Variants in PALM observed in about 807,000 individuals in gnomAD.
The protein encoded by PALM is paralemmin-1.
In PALM, 18 loss-of-function variants were observed where a neutral mutation model predicts 30.7. That is an observed-to-expected ratio of 0.59 (90% CI 0.41 to 0.87). The LOEUF (loss-of-function observed/expected upper bound fraction) is 0.87. PALM is among the 40% of genes least tolerant of loss of function. The pLI is 0.00. For synonymous variants in PALM, 286 were observed against 242.8 expected (o/e 1.18, Z -1.66); for missense variants, 529 against 555.4 (o/e 0.95, Z 0.48).
intron 7 of PALM, among the ~76,000 whole-genome samples, chr19:736,602 AC>A (rs1389111780): frequency 6.6e-6 from 1 of 151,926 alleles, no homozygotes; most frequent in Non-Finnish European, 1.5e-5. Flanking sequence ...TCAGGCTCGA[AC>A]CCCTGGTCTG....
intron 8 of PALM, among the ~76,000 whole-genome samples, chr19:743,946 G>A (rs564284392): frequency 2.0e-5 from 3 of 152,138 alleles, no homozygotes; most frequent in South Asian, 2.1e-4. Context: ...AGTGACCACC[G>A]TGGCCCAGGC....
Position 747,497 on chromosome 19 carries a change from C to T in PALM, c.*683C>T, listed in dbSNP as rs2033384202. On this transcript the variant is annotated 3_prime_UTR_variant, in exon 9 of 9. Transcript: ENST00000338448. ...CCCACCCGGGAGGGGCCGGTAACCCCTGGGCTATCTTCTAGACGGGGCGAA... is the reference window on the plus strand; with the variant it reads ...CCCACCCGGGAGGGGCCGGTAACCCTTGGGCTATCTTCTAGACGGGGCGAA... The T allele has an allele frequency of 6.5e-6, 1 of 153,102 alleles. No individual in the cohort carries two copies. The highest frequency in any genetic ancestry group is 6.5e-5 in the Admixed American group (1 of 15,292). The allele number at this position is 153,102 out of a possible 1,614,324, so 9.5% of individuals were successfully genotyped here. A position where few individuals can be genotyped will look rare whatever the true frequency, so the allele number is the denominator to read the frequency against.
chr19:720,204 C>G (rs1294937348), intron 1 of PALM, among the ~76,000 whole-genome samples: 1 of 151,966 alleles, frequency 6.6e-6, no homozygotes. Context: ...CTGCGCCGGC[C>G]CCACCCCCGC....
At chr19:740,550 C>T (rs1347174948) in intron 8 of PALM, 67 bp downstream of exon 8, 9 of 1,431,426 alleles carry the variant, frequency 6.3e-6, no homozygotes, top group Admixed American at 4.4e-5. Flanking sequence ...GTGCTCCCAG[C>T]GTGTGGGTCT....
At chr19:720,135 C>T (rs912644386) in intron 1 of PALM, among the ~76,000 whole-genome samples, 4 of 151,950 alleles carry the variant, frequency 2.6e-5, no homozygotes, top group Middle Eastern at 3.4e-3. Flanking sequence ...TAGGCCGCCC[C>T]AGGCCCGAAG....
At position 709,729 on chromosome 19, in the gene PALM, G is replaced by C. The variant is rs2032009093; in HGVS notation, c.5+578G>C. Among the ~76,000 whole-genome samples, 1 of 152,164 alleles carries C rather than the reference G, an allele frequency of 6.6e-6. No individual in the cohort carries two copies. Among genetic ancestry groups the C allele is most frequent in the African/African-American group, 2.4e-5 (1 of 41,442 alleles). The stretch of plus-strand genomic sequence containing the variant: ...CGCTGGAGGGAGAGGGGCTGCCCTC[G>C]GCTTCCCGGGTCTCTGGGGTGTGTG... On this transcript the variant is annotated intron_variant, in intron 1 of 8. Transcript: ENST00000338448. The surrounding 1 kb of genome is among the most constrained non-coding windows in gnomAD (Gnocchi z 4.3).
chr19:726,863 G>C (rs955024562), intron 2 of PALM, 145 bp from the exon 3 acceptor site: 3 of 618,146 alleles, frequency 4.9e-6, no homozygotes, highest in African/African-American at 1.8e-5. Flanking sequence ...ACAGTGGTGC[G>C]ATCCGCTGTC....
chr19:730,105 CCTT>C (rs1389141985), intron 4 of PALM, among the ~76,000 whole-genome samples: 35 of 152,366 alleles, frequency 2.3e-4, no homozygotes, highest in African/African-American at 5.5e-4. Flanking sequence ...CCACTACCCA[CCTT>C]CTGCCTGCTC....
At chr19:721,733 G>A (rs1242710696) in intron 1 of PALM, among the ~76,000 whole-genome samples, 11 of 151,830 alleles carry the variant, frequency 7.2e-5, no homozygotes. Context: ...GAGTAGCTGG[G>A]ATTACAGGCA....
rs370549073 is a variant in PALM, at chr19:740,950, G to A, written c.634+467G>A. On this transcript the variant is annotated intron_variant, in intron 8 of 8. Coordinates refer to ENST00000338448, the MANE Select transcript of PALM (RefSeq NM_002579.3). ...GTTTGAGACCAGCCTGGGCAGCATA[G>A]CAAGGCTCCGTCTCTACCAAAAAAA... is the stretch of plus-strand genomic sequence containing the variant. Among the ~76,000 whole-genome samples, 3 of 146,740 alleles carry A rather than the reference G, an allele frequency of 2.0e-5. No homozygotes were observed. The South Asian group carries it at 6.5e-4, about 32-fold the overall frequency.
chr19:740,506 C>A, intron 8 of PALM, 23 bp downstream of exon 8: 1 of 1,539,964 alleles, frequency 6.5e-7, no homozygotes, highest in South Asian at 1.2e-5. Flanking sequence ...CGGCCCCTGC[C>A]CTCCCTCCAC....
At chr19:737,197 C>CAG (rs2033048333) in intron 7 of PALM, among the ~76,000 whole-genome samples, 1 of 152,216 alleles carries the variant, frequency 6.6e-6, no homozygotes, top group Admixed American at 6.5e-5. Context: ...ATGCAGCAGA[C>CAG]AGAGGCATTT....
intron 3 of PALM, 29 bp from the exon 4 acceptor site, chr19:727,535 C>A (rs780101885): frequency 6.4e-7 from 1 of 1,559,446 alleles, no homozygotes; most frequent in South Asian, 1.2e-5. Context: ...GTCCTGCCCA[C>A]GACTCTGACC....
chr19:719,878 AGGC>A (rs1288723680), intron 1 of PALM, among the ~76,000 whole-genome samples: 6 of 151,786 alleles, frequency 4.0e-5, no homozygotes, highest in African/African-American at 9.7e-5. Flanking sequence ...GCGCTGGGGG[AGGC>A]GTTCTCGGTT....
intron 1 of PALM, among the ~76,000 whole-genome samples, chr19:710,570 A>G (rs1568216151): frequency 6.6e-6 from 1 of 151,054 alleles, no homozygotes; most frequent in Non-Finnish European, 1.5e-5. Context: ...GTCAGCGAAC[A>G]CTCCGGGTCG....
intron 4 of PALM, chr19:727,902 G>A (rs566582205): frequency 2.3e-5 from 13 of 568,348 alleles, no homozygotes; most frequent in African/African-American, 2.1e-4. Context: ...AGCTTGCTGG[G>A]GGCAGAGGCT....
intron 2 of PALM, among the ~76,000 whole-genome samples, 176 bp from the exon 3 acceptor site, chr19:726,832 G>A (rs62131297): frequency 0.18 from 27,711 of 152,106 alleles, 2,993 homozygotes; most frequent in Admixed American, 0.29. Context: ...AGGGTCTTGC[G>A]CTGCTGTCCC....
At chr19:723,064 C>T (rs2283582) in intron 1 of PALM, among the ~76,000 whole-genome samples, 56,704 of 151,742 alleles carry the variant, frequency 0.37, 11,198 homozygotes, top group South Asian at 0.59. Flanking sequence ...TGACCCGGAG[C>T]AGCCTCCCAG....
At chr19:736,568 G>A (rs1237539203) in intron 7 of PALM, among the ~76,000 whole-genome samples, 1 of 152,160 alleles carries the variant, frequency 6.6e-6, no homozygotes, top group Non-Finnish European at 1.5e-5. Flanking sequence ...GGGGGTTGAC[G>A]CTGAGTGCCA....
Sources: gnomAD v4.1 joint callset for allele counts (sites outside exome capture counted in the v4.1 genomes callset) on GRCh38, gnomAD v4.1.1 for gene constraint, Gnocchi (gnomAD v3.1) non-coding constraint, MANE v1.5 for transcripts, NCBI Gene and HGNC (gene_info 2026-07-23, HGNC 2026-07-21) for gene names.